Variants in EARS2 observed in about 807,000 individuals in gnomAD.
EARS2 encodes the protein nondiscriminating glutamyl-tRNA synthetase EARS2, mitochondrial.
Under a neutral mutation model 54.1 loss-of-function variants are expected in EARS2, and 50 were observed. The observed-to-expected ratio is 0.92, with a 90% confidence interval of 0.74 to 1.17. The LOEUF (loss-of-function observed/expected upper bound fraction) is 1.17. Ranked by LOEUF, EARS2 falls within the 50% of genes most tolerant of loss-of-function variation. The pLI is 0.00. For missense variants in EARS2, 673 were observed against 675.0 expected (o/e 1.00, Z 0.03); for synonymous variants, 298 against 281.0 (o/e 1.06, Z -0.61).
intron 5 of EARS2, 142 bp downstream of exon 5, chr16:23,532,515 A>G: frequency 1.8e-6 from 1 of 570,174 alleles, no homozygotes; most frequent in Non-Finnish European, 3.2e-6. Flanking sequence ...AGAGAAGAGA[A>G]AACAGAGGCT....
intron 7 of EARS2, among the ~76,000 whole-genome samples, chr16:23,525,623 A>G (rs1965214627): frequency 6.6e-6 from 1 of 152,192 alleles, no homozygotes; most frequent in African/African-American, 2.4e-5. Flanking sequence ...AAGAGGTGCC[A>G]TAAGAGGCTT....
At chr16:23,553,938 C>T (rs1278735656) in intron 1 of EARS2, among the ~76,000 whole-genome samples, 3 of 151,912 alleles carry the variant, frequency 2.0e-5, no homozygotes, top group African/African-American at 7.3e-5. Context: ...GCAGTCTATG[C>T]AGTGTGCATG....
At chr16:23,525,756 G>A (rs1292032003) in intron 7 of EARS2, among the ~76,000 whole-genome samples, 2 of 152,240 alleles carry the variant, frequency 1.3e-5, no homozygotes, top group Non-Finnish European at 2.9e-5. Flanking sequence ...AGCACTTTGG[G>A]AGGCCAAGGC....
At chr16:23,539,574 C>T (rs1387143161) in intron 3 of EARS2, among the ~76,000 whole-genome samples, 1 of 152,112 alleles carries the variant, frequency 6.6e-6, no homozygotes, top group East Asian at 1.9e-4. Flanking sequence ...TTATTAAACA[C>T]GTTCACCATG....
In EARS2 at chr16:23,544,800, C is replaced by T. The variant is rs141157467; in HGVS notation, c.296-97G>A. 80 of 1,128,372 alleles carry T rather than the reference C, an allele frequency of 7.1e-5. No individual in the cohort carries two copies. The East Asian group carries it at 2.0e-3, about 29-fold the overall frequency. 69.9% of individuals were successfully genotyped at this position (1,128,372 alleles called of 1,614,324 possible). On this transcript the variant is annotated intron_variant, in intron 2 of 8. Transcript: ENST00000449606. ...ATGCACATATTAAAGCTTTAATCCTCATAACAATCCATGAGGTTGGCATTA... is the reference window on the plus strand; with the variant it reads ...ATGCACATATTAAAGCTTTAATCCTTATAACAATCCATGAGGTTGGCATTA...
chr16:23,530,540 G>A (rs1041339588), intron 5 of EARS2, among the ~76,000 whole-genome samples: 10 of 150,776 alleles, frequency 6.6e-5, no homozygotes, highest in East Asian at 2.0e-4. Flanking sequence ...TGCAACCTCC[G>A]CTTCCCAGGT....
intron 7 of EARS2, among the ~76,000 whole-genome samples, chr16:23,527,550 C>CTTT (rs33925429): frequency 1.3e-4 from 11 of 84,502 alleles, no homozygotes; most frequent in Non-Finnish European, 2.4e-4. Flanking sequence ...AGTGATCGTT[C>CTTT]TTTTTTTTTT....
chr16:23,541,565 A>T (rs141493721), intron 3 of EARS2, among the ~76,000 whole-genome samples: 2 of 152,356 alleles, frequency 1.3e-5, no homozygotes, highest in African/African-American at 4.8e-5. Context: ...ATATGTACTT[A>T]TAGGTATATG....
At chr16:23,550,006 A>G (rs941502701) in intron 2 of EARS2, among the ~76,000 whole-genome samples, 4 of 152,128 alleles carry the variant, frequency 2.6e-5, no homozygotes, top group Non-Finnish European at 5.9e-5. Context: ...CCCTCGCCCT[A>G]GTTTCTAAGC....
chr16:23,535,126 GC>G lies in EARS2; in HGVS notation c.719del (p.Gly240AlafsTer91), dbSNP rs759995060. On this transcript the variant is annotated frameshift_variant, in exon 4 of 9. Coordinates refer to ENST00000449606, the MANE Select transcript of EARS2 (RefSeq NM_001083614.2). LOFTEE classifies it high-confidence loss of function. The part of the protein sequence containing the change: ...LACVVDDHHM[G>X]ISHVLRGSEW... ...CAGAGCCTCGCAGCACGTGGCTGAT[GC>G]CCATGTGGTGGTCGTCCACCACGCA... 17 of 1,612,610 alleles carry G rather than the reference GC, an allele frequency of 1.1e-5. No individual in the cohort carries two copies. In the South Asian group the frequency reaches 1.5e-4, roughly 15 times the overall value.
intron 4 of EARS2, 102 bp downstream of exon 4, chr16:23,534,786 T>C: frequency 1.0e-6 from 1 of 1,001,492 alleles, no homozygotes. Flanking sequence ...ACCTGGCTGG[T>C]AGGTGGCAAA....
intron 2 of EARS2, chr16:23,550,796 C>G (rs1965682434): frequency 6.6e-6 from 1 of 152,140 alleles, no homozygotes; most frequent in African/African-American, 2.4e-5. Flanking sequence ...GAGATTAGAA[C>G]ACACATCTCA....
intron 4 of EARS2, among the ~76,000 whole-genome samples, chr16:23,534,248 G>A (rs926908187): frequency 3.3e-5 from 5 of 152,180 alleles, no homozygotes; most frequent in Admixed American, 1.3e-4. Flanking sequence ...GTGGAGATAT[G>A]TATCTACCCC....
chr16:23,526,882 G>T (rs1774441394), intron 7 of EARS2, among the ~76,000 whole-genome samples: 1 of 152,182 alleles, frequency 6.6e-6, no homozygotes, highest in African/African-American at 2.4e-5. Context: ...GGCCCTGATT[G>T]AGTTAGTCAA....
chr16:23,556,266 A>G (rs1965781864), intron 1 of EARS2, among the ~76,000 whole-genome samples: 1 of 152,160 alleles, frequency 6.6e-6, no homozygotes, highest in African/African-American at 2.4e-5. Flanking sequence ...AGGCTATACA[A>G]TGGGCCTCTG....
intron 4 of EARS2, among the ~76,000 whole-genome samples, chr16:23,534,012 C>T (rs981026804): frequency 2.0e-5 from 3 of 150,754 alleles, no homozygotes; most frequent in South Asian, 2.1e-4. Flanking sequence ...GCCGAGATCG[C>T]GCCATTGCAC....
rs1381702217 is a variant in EARS2 at position 23,521,508 on chromosome 16, C to A, written c.*2863G>T. Among the ~76,000 whole-genome samples, 5 of 151,968 alleles carry A rather than the reference C, an allele frequency of 3.3e-5. No individual in the cohort carries two copies. The highest frequency in any genetic ancestry group is 4.8e-5 in the African/African-American group (2 of 41,374). On this transcript the variant is annotated 3_prime_UTR_variant, in exon 9 of 9. Transcript: ENST00000449606. ...TTAACGCCTCAGCTCAAGTGATCCT[C>A]CTACCTTAGTCTCCCAAGTAGCTGG...
chr16:23,544,880 C>T (rs1373488824), intron 2 of EARS2, 177 bp from the exon 3 acceptor site: 4 of 564,956 alleles, frequency 7.1e-6, no homozygotes, highest in East Asian at 3.1e-5. Flanking sequence ...GCTCTGATGT[C>T]GCCAAGGCTG....
intron 3 of EARS2, among the ~76,000 whole-genome samples, chr16:23,543,493 A>G (rs1443214745): frequency 6.6e-6 from 1 of 152,010 alleles, no homozygotes; most frequent in Non-Finnish European, 1.5e-5. Flanking sequence ...TACGCCTATA[A>G]TCCTAACACT....
Sources: allele counts gnomAD v4.1 joint callset (sites outside exome capture counted in the v4.1 genomes callset), GRCh38; gene constraint gnomAD v4.1.1; transcripts MANE v1.5; gene names NCBI Gene and HGNC (gene_info 2026-07-23, HGNC 2026-07-21).